The following PRKCB variants were observed in gnomAD, a reference collection of about 807,000 sequenced individuals.
PRKCB encodes protein kinase C beta type.
PRKCB carries 13 observed loss-of-function variants against 81.5 expected under a neutral mutation model. The ratio of observed to expected loss-of-function variants is 0.16; its 90% CI spans 0.10 to 0.25. PRKCB has a LOEUF of 0.25. PRKCB is among the 10% of genes least tolerant of loss of function. PRKCB has a pLI of 1.00. For missense variants in PRKCB, 509 were observed against 875.7 expected (o/e 0.58, Z 5.29); for synonymous variants, 335 against 321.4 (o/e 1.04, Z -0.45).
chr16:23,984,208 A>G lies in PRKCB; in HGVS notation c.206-4300A>G, dbSNP rs550998640. Among the ~76,000 whole-genome samples, 3 of 152,340 alleles carry G rather than the reference A, an allele frequency of 2.0e-5. No homozygotes were observed. In the East Asian group the frequency reaches 5.8e-4, roughly 29 times the overall value. ...AAAGAACAGTGGATAATATTAGCTG[A>G]CATTTGTAGAATAGTCATGATATGG... On this transcript the variant is annotated intron_variant, in intron 2 of 16. Coordinates refer to ENST00000643927, the MANE Select transcript of PRKCB (RefSeq NM_002738.7).
rs1220908820 is a variant in PRKCB, at chr16:24,094,253, G to A, written c.777G>A (p.Leu259=). ...LTSRNDFMGS[L]SFGISELQKA... ...GCAGGAATGACTTCATGGGATCTTT[G>A]TCCTTTGGGATTTCTGAACTTCAGA... Residue 259 remains leucine, a synonymous_variant, in exon 7 of 17, where the codon TTG becomes TTA. Coordinates refer to ENST00000643927, the MANE Select transcript of PRKCB (RefSeq NM_002738.7). The A allele has an allele frequency of 6.2e-7, 1 of 1,614,058 alleles. No homozygotes were observed. Among genetic ancestry groups the A allele is most frequent in the Non-Finnish European group, 8.5e-7 (1 of 1,180,016 alleles).
intron 2 of PRKCB, among the ~76,000 whole-genome samples, chr16:23,948,768 A>C (rs138823651): frequency 7.1e-4 from 108 of 152,298 alleles, no homozygotes; most frequent in African/African-American, 2.5e-3. Context: ...TTGTAACTGA[A>C]GAAACTGAGT....
chr16:24,005,848 C>T (rs369782629), intron 3 of PRKCB, among the ~76,000 whole-genome samples: 161 of 152,320 alleles, frequency 1.1e-3, no homozygotes, highest in African/African-American at 3.8e-3. Flanking sequence ...GCACTTTTCT[C>T]AACGCCTGGT....
At chr16:24,151,536 A>G (rs1041264919) in intron 9 of PRKCB, 1 of 252,808 alleles carries the variant, frequency 4.0e-6, no homozygotes, top group Non-Finnish European at 8.1e-6. Flanking sequence ...ATAGTTACAA[A>G]GCAGCCCTGG....
intron 2 of PRKCB, among the ~76,000 whole-genome samples, chr16:23,981,162 C>T (rs941996918): frequency 7.2e-5 from 11 of 152,126 alleles, no homozygotes; most frequent in Admixed American, 6.5e-4. Flanking sequence ...GGGCTGAAAT[C>T]GAGGTGTCAG....
intron 10 of PRKCB, among the ~76,000 whole-genome samples, chr16:24,165,922 T>G (rs1232033381): frequency 1.5e-5 from 2 of 135,648 alleles, no homozygotes; most frequent in Non-Finnish European, 3.1e-5. Context: ...AGGGTCTCAC[T>G]CTTCCCCAGG....
At chr16:24,150,457 G>A (rs1251223530) in intron 9 of PRKCB, among the ~76,000 whole-genome samples, 1 of 152,200 alleles carries the variant, frequency 6.6e-6, no homozygotes, top group African/African-American at 2.4e-5. Flanking sequence ...GGGGGAATCC[G>A]ATTGGCTTGG....
Position 24,154,825 on chromosome 16 carries a change from C to G in PRKCB, c.1207C>G (p.Leu403Val), listed in dbSNP as rs1304686434. Residue 403 changes from leucine to valine, a missense_variant, in exon 10 of 17, where the codon CTG (leucine) becomes GTG (valine). Coordinates refer to ENST00000643927, the MANE Select transcript of PRKCB (RefSeq NM_002738.7). Reference protein sequence around the residue: ...VLALPGKPPFLTQLHSCFQTM... With the variant: ...VLALPGKPPFVTQLHSCFQTM... ...GGCCCTGCCTGGGAAGCCGCCCTTC[C>G]TGACCCAGCTCCACTCCTGCTTCCA... 6.2e-7 allele frequency: 1 copy of G among 1,613,928 alleles called. No homozygotes were observed. Among genetic ancestry groups the G allele is most frequent in the East Asian group, 2.2e-5 (1 of 44,872 alleles).
intron 2 of PRKCB, among the ~76,000 whole-genome samples, chr16:23,852,521 A>C (rs1597209675): frequency 6.6e-6 from 1 of 152,020 alleles, no homozygotes; most frequent in South Asian, 2.1e-4. Flanking sequence ...TGGTTTGCTA[A>C]TATTTTGTTG....
intron 3 of PRKCB, among the ~76,000 whole-genome samples, chr16:24,004,225 C>T (rs1427506232): frequency 3.3e-5 from 5 of 152,036 alleles, no homozygotes; most frequent in African/African-American, 9.7e-5. Flanking sequence ...AAGGCAAAGA[C>T]TATGAGATTG....
Position 24,217,951 on chromosome 16 carries a change from C to T in PRKCB, c.*3135C>T, listed in dbSNP as rs986113643. On this transcript the variant is annotated 3_prime_UTR_variant, in exon 17 of 17. Coordinates refer to ENST00000643927, the MANE Select transcript of PRKCB (RefSeq NM_002738.7). Reference sequence around the variant, plus strand: ...AATGGGAATCAATTCCATTGTTTTGCCTCAGAGTAAAGTTTCTGGCTCGGG... The same window carrying T: ...AATGGGAATCAATTCCATTGTTTTGTCTCAGAGTAAAGTTTCTGGCTCGGG... 1.0e-5 allele frequency: 10 copies of T among 985,184 alleles called. No individual in the cohort carries two copies. The highest frequency in any genetic ancestry group is 1.2e-5 in the Non-Finnish European group (10 of 829,922). 61.0% of individuals were successfully genotyped at this position (985,184 alleles called of 1,614,324 possible). A position where few individuals can be genotyped will look rare whatever the true frequency, so the allele number is the denominator to read the frequency against.
intron 7 of PRKCB, among the ~76,000 whole-genome samples, chr16:24,103,912 TCTC>T (rs1966543341): frequency 6.6e-6 from 1 of 152,232 alleles, no homozygotes; most frequent in South Asian, 2.1e-4. Context: ...TTCAAGCTAT[TCTC>T]CTGCCTCAGC....
chr16:24,160,408 C>T (rs1202960401), intron 10 of PRKCB, among the ~76,000 whole-genome samples: 1 of 152,132 alleles, frequency 6.6e-6, no homozygotes, highest in Non-Finnish European at 1.5e-5. Flanking sequence ...CTGGCTCCTG[C>T]TCATTTTCTA....
At position 24,128,782 on chromosome 16, in the gene PRKCB, A is replaced by G. The variant is rs73548472; in HGVS notation, c.1065+4801A>G. Among the ~76,000 whole-genome samples the G allele has an allele frequency of 7.2e-3, 1,094 of 152,320 alleles. 8 individuals are homozygous for G. Among genetic ancestry groups the G allele is most frequent in the African/African-American group, 0.025 (1,019 of 41,574 alleles). On this transcript the variant is annotated intron_variant, in intron 9 of 16. Coordinates refer to ENST00000643927, the MANE Select transcript of PRKCB (RefSeq NM_002738.7). Reference sequence around the variant, plus strand: ...ATGGGTATATTGTACCCAGGTAGTGAGCATAGTACCCAATAGGTGGTTTTT... The same window carrying G: ...ATGGGTATATTGTACCCAGGTAGTGGGCATAGTACCCAATAGGTGGTTTTT...
chr16:24,011,984 T>C, intron 3 of PRKCB, among the ~76,000 whole-genome samples: 1 of 152,200 alleles, frequency 6.6e-6, no homozygotes, highest in Non-Finnish European at 1.5e-5. Flanking sequence ...TCAGTGTTGG[T>C]CTTTAGGTCC....
chr16:23,850,755 C>A (rs1962459587), intron 2 of PRKCB, among the ~76,000 whole-genome samples: 2 of 152,120 alleles, frequency 1.3e-5, no homozygotes, highest in South Asian at 4.1e-4. Context: ...GTGTATGGGT[C>A]CCCTTTTCTC....
intron 16 of PRKCB, among the ~76,000 whole-genome samples, chr16:24,193,169 G>A (rs921084142): frequency 9.9e-5 from 15 of 152,012 alleles, no homozygotes; most frequent in African/African-American, 3.1e-4. Flanking sequence ...TTGGCCGGGT[G>A]CGGTGCCTCA....
intron 2 of PRKCB, among the ~76,000 whole-genome samples, chr16:23,973,859 T>C (rs1964590287): frequency 6.6e-6 from 1 of 151,580 alleles, no homozygotes; most frequent in South Asian, 2.1e-4. Flanking sequence ...TTTGCAGAGA[T>C]AGGGTTTTGC....
At chr16:24,108,283 AT>A (rs140308202) in intron 7 of PRKCB, among the ~76,000 whole-genome samples, 65,245 of 116,152 alleles carry the variant, frequency 0.56, 15,629 homozygotes, top group Non-Finnish European at 0.59. Flanking sequence ...TTATTTATTT[AT>A]TTTTTTTATT....
Sources: gnomAD v4.1 joint callset for allele counts (sites outside exome capture counted in the v4.1 genomes callset) on GRCh38, gnomAD v4.1.1 for gene constraint, MANE v1.5 for transcripts, NCBI Gene and HGNC (gene_info 2026-07-23, HGNC 2026-07-21) for gene names.